The following IL16 variants were observed in gnomAD, a reference collection of about 807,000 sequenced individuals.
The protein encoded by IL16 is pro-interleukin-16.
IL16 carries 67 observed loss-of-function variants against 110.1 expected under a neutral mutation model. That is an observed-to-expected ratio of 0.61 (90% CI 0.50 to 0.75). The LOEUF (loss-of-function observed/expected upper bound fraction) is 0.75. IL16 is among the 30% of genes least tolerant of loss of function. IL16 has a pLI of 0.00. For synonymous variants in IL16, 689 were observed against 662.9 expected, an observed-to-expected ratio of 1.04 and a Z score of -0.61; for missense variants, 1,545 against 1,655.0, an observed-to-expected ratio of 0.93 and a Z score of 1.15.
intron 2 of IL16, among the ~76,000 whole-genome samples, chr15:81,228,503 T>C (rs1896865789): frequency 1.3e-5 from 2 of 152,098 alleles, no homozygotes; most frequent in Non-Finnish European, 2.9e-5. Context: ...AAAATATTTT[T>C]AGTAGAAATG....
intron 1 of IL16, among the ~76,000 whole-genome samples, chr15:81,210,935 A>G (rs961537378): frequency 6.6e-6 from 1 of 152,180 alleles, no homozygotes. Flanking sequence ...CTCAAGGGGA[A>G]TGGTTCCAGC....
At chr15:81,240,067 A>C (rs1391962848) in intron 2 of IL16, among the ~76,000 whole-genome samples, 3 of 152,144 alleles carry the variant, frequency 2.0e-5, no homozygotes, top group African/African-American at 4.8e-5. Context: ...CGTTCTTCTT[A>C]TTTGTGAACA....
At chr15:81,187,065 T>C (rs1895430354) in intron 1 of IL16, among the ~76,000 whole-genome samples, 1 of 152,078 alleles carries the variant, frequency 6.6e-6, no homozygotes, top group African/African-American at 2.4e-5. Flanking sequence ...GAAAGTAGGG[T>C]GAGGATATAG....
chr15:81,304,637 A>T (rs1459266045), intron 16 of IL16, among the ~76,000 whole-genome samples: 1 of 152,130 alleles, frequency 6.6e-6, no homozygotes, highest in East Asian at 1.9e-4. Flanking sequence ...TGGATTGATA[A>T]ATTGGTGGCA....
At chr15:81,232,272 G>A (rs4778888) in intron 2 of IL16, among the ~76,000 whole-genome samples, 136,115 of 152,006 alleles carry the variant, frequency 0.9, 61,166 homozygotes, top group African/African-American at 0.93. Flanking sequence ...ATATCCAATC[G>A]TTACCTACCA....
chr15:81,200,533 A>G (rs1895771908), intron 1 of IL16, among the ~76,000 whole-genome samples: 1 of 140,896 alleles, frequency 7.1e-6, no homozygotes, highest in Non-Finnish European at 1.5e-5. Context: ...CCACACCTGG[A>G]TAATTTTTTG....
intron 1 of IL16, among the ~76,000 whole-genome samples, chr15:81,211,664 A>T (rs1896249298): frequency 6.6e-6 from 1 of 152,222 alleles, no homozygotes; most frequent in South Asian, 2.1e-4. Flanking sequence ...CTAGAATTAC[A>T]GGCATGAGCC....
chr15:81,219,906 T>C (rs1166621457), intron 1 of IL16, among the ~76,000 whole-genome samples: 1 of 152,088 alleles, frequency 6.6e-6, no homozygotes, highest in Admixed American at 6.6e-5. Context: ...TCAACCCCCA[T>C]CAAAGCTTTG....
intron 2 of IL16, among the ~76,000 whole-genome samples, chr15:81,257,568 A>T (rs1897992590): frequency 6.6e-6 from 1 of 152,132 alleles, no homozygotes; most frequent in Non-Finnish European, 1.5e-5. Context: ...AGCCAAGGGA[A>T]TGAGGGATTC....
chr15:81,290,521 G>A lies in IL16; in HGVS notation c.1401G>A (p.Arg467=), dbSNP rs1425988336. ...AVENTKFGKE[R]HQWSLEGVKR... ...AAAACACCAAGTTTGGAAAGGAGAG[G>A]CATCAGTGGAGTCTGGAAGGTAAGA... Residue 467 remains arginine, a synonymous_variant, in exon 11 of 19, where the codon AGG becomes AGA. Transcript: ENST00000683961. The A allele has an allele frequency of 3.1e-6, 5 of 1,612,420 alleles. No individual in the cohort carries two copies. The highest frequency in any genetic ancestry group is 4.2e-6 in the Non-Finnish European group (5 of 1,178,774).
chr15:81,240,091 A>G (rs1045903230), intron 2 of IL16, among the ~76,000 whole-genome samples: 4 of 152,106 alleles, frequency 2.6e-5, no homozygotes, highest in Admixed American at 1.3e-4. Flanking sequence ...TATCAATGCT[A>G]TTGCACTGTG....
chr15:81,184,429 C>T (rs1477118358), intron 1 of IL16, among the ~76,000 whole-genome samples: 1 of 152,182 alleles, frequency 6.6e-6, no homozygotes, highest in African/African-American at 2.4e-5. Flanking sequence ...ACACTGGCCT[C>T]AGCGGATCCA....
intron 9 of IL16, 131 bp from the exon 10 acceptor site, chr15:81,285,567 T>C (rs1899407632): frequency 5.4e-6 from 5 of 921,524 alleles, no homozygotes; most frequent in Non-Finnish European, 8.2e-6. Context: ...TGGTGGCTAG[T>C]GGGGTCTACT....
At chr15:81,194,731 G>A (rs1442247337), upstream of IL16, among the ~76,000 whole-genome samples, 2 of 152,118 alleles carry the variant, frequency 1.3e-5, no homozygotes, top group African/African-American at 4.8e-5. Context: ...GCTTCTGCTT[G>A]GTTAGCTGTT....
At chr15:81,283,174 G>C (rs1399471700) in intron 9 of IL16, among the ~76,000 whole-genome samples, 2 of 152,152 alleles carry the variant, frequency 1.3e-5, no homozygotes, top group Non-Finnish European at 2.9e-5. Context: ...ACCACATCCC[G>C]CTGTGGCCAG....
chr15:81,227,110 C>CAAAGGAAAAAGG (rs1896814642), intron 2 of IL16, among the ~76,000 whole-genome samples: 1 of 151,892 alleles, frequency 6.6e-6, no homozygotes, highest in African/African-American at 2.4e-5. Flanking sequence ...GTGGGAGGCT[C>CAAAGGAAAAAGG]AAAGGAAAAA....
At position 81,273,641 on chromosome 15, in the gene IL16, A is replaced by G. The variant is rs142116956; in HGVS notation, c.790+437A>G. Among the ~76,000 whole-genome samples, 60 of 152,128 alleles carry G rather than the reference A, an allele frequency of 3.9e-4. 1 individual carries two copies. The highest frequency in any genetic ancestry group is 1.5e-5 in the Non-Finnish European group (1 of 67,992). Reference sequence around the variant, plus strand: ...CACAACCATAGGGAAACCAGGTTCAATGCTTCCAACCCTTGTAACGGATGA... The same window carrying G: ...CACAACCATAGGGAAACCAGGTTCAGTGCTTCCAACCCTTGTAACGGATGA... On this transcript the variant is annotated intron_variant, in intron 6 of 18. Transcript: ENST00000683961.
rs1900218144 is a variant in IL16, at chr15:81,300,362, C to T, written c.3036C>T (p.Ala1012=). Residue 1012 remains alanine, a synonymous_variant, in exon 14 of 19, where the codon GCC becomes GCT. Transcript: ENST00000683961. ...LLCLPSSISC[A]QTPCIPKEGA... The stretch of plus-strand genomic sequence containing the variant: ...GCCTTCCATCTTCTATCTCCTGTGC[C>T]CAGACTCCCTGCATCCCCAAGGAAG... 5 of 1,614,158 alleles carry T rather than the reference C, an allele frequency of 3.1e-6. No individual in the cohort carries two copies. The East Asian group carries it at 8.9e-5, about 29-fold the overall frequency.
At chr15:81,215,404 T>G (rs1896388817) in intron 1 of IL16, among the ~76,000 whole-genome samples, 1 of 152,208 alleles carries the variant, frequency 6.6e-6, no homozygotes, top group Non-Finnish European at 1.5e-5. Flanking sequence ...TTTTTGGTGT[T>G]GCAGCTTAGG....
Sources: gnomAD v4.1 joint callset for allele counts (sites outside exome capture counted in the v4.1 genomes callset) on GRCh38, gnomAD v4.1.1 for gene constraint, MANE v1.5 for transcripts, NCBI Gene and HGNC (gene_info 2026-07-23, HGNC 2026-07-21) for gene names.